Variants in EPHA7 observed in about 807,000 individuals in gnomAD.
EPHA7 encodes ephrin type-A receptor 7.
A neutral mutation model predicts 112.6 loss-of-function variants in EPHA7; 25 were observed. That is an observed-to-expected ratio of 0.22 (90% CI 0.16 to 0.31). The LOEUF is 0.31. EPHA7 is among the 10% of genes least tolerant of loss of function. EPHA7 has a pLI of 1.00. For missense variants in EPHA7, 962 were observed against 1,212.6 expected, an observed-to-expected ratio of 0.79 and a Z score of 3.07; for synonymous variants, 437 against 406.5, an observed-to-expected ratio of 1.07 and a Z score of -0.90.
At chr6:93,416,994 A>G (rs1444023197) in intron 1 of EPHA7, among the ~76,000 whole-genome samples, 1 of 152,088 alleles carries the variant, frequency 6.6e-6, no homozygotes, top group Non-Finnish European at 1.5e-5. Context: ...TCGCTCGAGA[A>G]GGAGTCGGGA....
intron 7 of EPHA7, among the ~76,000 whole-genome samples, chr6:93,269,233 T>C (rs1260472405): frequency 6.6e-6 from 1 of 151,730 alleles, no homozygotes; most frequent in Non-Finnish European, 1.5e-5. Context: ...TTTCACCTTT[T>C]TCAAAAAATA....
At chr6:93,416,596 C>T (rs1481777267) in intron 1 of EPHA7, among the ~76,000 whole-genome samples, 4 of 152,218 alleles carry the variant, frequency 2.6e-5, no homozygotes, top group Admixed American at 2.6e-4. Flanking sequence ...TCAAGTGATC[C>T]GTGCGTCTCT....
chr6:93,272,463 A>G lies in EPHA7; in HGVS notation c.1325-41T>C, dbSNP rs762173350. 5.0e-6 allele frequency: 8 copies of G among 1,608,152 alleles called. No individual in the cohort carries two copies. The Admixed American group carries it at 1.2e-4, about 24-fold the overall frequency. On this transcript the variant is annotated intron_variant, in intron 5 of 16. Transcript: ENST00000369303. ...GTGTCAATAAACAATGAGAAAATTC[A>G]CTGGATGCCTCAAATCAAATGTCAC...
intron 1 of EPHA7, among the ~76,000 whole-genome samples, chr6:93,418,027 G>A (rs1779332366): frequency 6.6e-6 from 1 of 152,020 alleles, no homozygotes; most frequent in Non-Finnish European, 1.5e-5. Context: ...TCAACACCCC[G>A]CCCGATAACC....
intron 3 of EPHA7, among the ~76,000 whole-genome samples, chr6:93,359,535 T>G (rs1167477381): frequency 6.6e-6 from 1 of 151,956 alleles, no homozygotes; most frequent in Non-Finnish European, 1.5e-5. Flanking sequence ...ATTTATTGGC[T>G]GAAAGTTCAT....
chr6:93,266,117 C>T (rs1770923683), intron 7 of EPHA7, among the ~76,000 whole-genome samples: 1 of 151,678 alleles, frequency 6.6e-6, no homozygotes, highest in Non-Finnish European at 1.5e-5. Context: ...CTTTCAAATA[C>T]TAATTTCTGA....
intron 3 of EPHA7, 67 bp from the exon 4 acceptor site, chr6:93,358,478 T>A: frequency 7.3e-7 from 1 of 1,372,030 alleles, no homozygotes; most frequent in Non-Finnish European, 9.9e-7. Context: ...AAAAATTGTA[T>A]TATTTAGCAA....
intron 2 of EPHA7, 29 bp downstream of exon 2, chr6:93,414,674 A>T: frequency 6.4e-7 from 1 of 1,554,174 alleles, no homozygotes; most frequent in Middle Eastern, 1.7e-4. Context: ...ATTTTAAAAA[A>T]GTGATATTTT....
At chr6:93,264,159 T>C (rs1037753869) in intron 8 of EPHA7, among the ~76,000 whole-genome samples, 1 of 151,530 alleles carries the variant, frequency 6.6e-6, no homozygotes, top group Non-Finnish European at 1.5e-5. Flanking sequence ...CAAAATTCAG[T>C]ATGATTTGAA....
chr6:93,285,738 A>G (rs1772029318), intron 5 of EPHA7, among the ~76,000 whole-genome samples: 1 of 152,182 alleles, frequency 6.6e-6, no homozygotes, highest in Non-Finnish European at 1.5e-5. Context: ...CTTGCCACAT[A>G]TGAAGTTCCG....
intron 5 of EPHA7, among the ~76,000 whole-genome samples, chr6:93,350,030 A>G (rs1775612045): frequency 6.6e-6 from 1 of 152,016 alleles, no homozygotes; most frequent in Admixed American, 6.6e-5. Context: ...AAATCAAAGT[A>G]AAGGGAATAC....
intron 3 of EPHA7, among the ~76,000 whole-genome samples, chr6:93,395,128 A>G (rs2127984338): frequency 6.6e-6 from 1 of 151,972 alleles, no homozygotes; most frequent in South Asian, 2.1e-4. Context: ...GAAAATCTTG[A>G]TTTAAAGACT....
intron 1 of EPHA7, among the ~76,000 whole-genome samples, chr6:93,415,398 T>C (rs958986835): frequency 2.6e-5 from 4 of 151,972 alleles, no homozygotes; most frequent in Admixed American, 6.6e-5. Context: ...AATTTCTTAA[T>C]TTTCAAAGTG....
intron 6 of EPHA7, among the ~76,000 whole-genome samples, chr6:93,270,245 T>G (rs1188400299): frequency 6.6e-6 from 1 of 151,522 alleles, no homozygotes; most frequent in Non-Finnish European, 1.5e-5. Context: ...AGTTTAAATA[T>G]ATATGATTTA....
chr6:93,257,387 G>T, intron 12 of EPHA7, 75 bp downstream of exon 12: 1 of 1,123,034 alleles, frequency 8.9e-7, no homozygotes, highest in Non-Finnish European at 1.3e-6. Context: ...ATTTTACATT[G>T]CAAAAAAAGT....
At chr6:93,379,297 TTTAA>T (rs1452412791) in intron 3 of EPHA7, among the ~76,000 whole-genome samples, 1 of 152,096 alleles carries the variant, frequency 6.6e-6, no homozygotes, top group African/African-American at 2.4e-5. Context: ...TTTCTTTCCA[TTTAA>T]TTAAATTTGA....
intron 5 of EPHA7, among the ~76,000 whole-genome samples, chr6:93,298,872 C>G (rs919465460): frequency 6.6e-6 from 1 of 152,106 alleles, no homozygotes; most frequent in African/African-American, 2.4e-5. Flanking sequence ...TGATTTCTAA[C>G]TGTGTTTATT....
At chr6:93,328,968 GAATT>G (rs1234250360) in intron 5 of EPHA7, among the ~76,000 whole-genome samples, 2 of 151,448 alleles carry the variant, frequency 1.3e-5, no homozygotes, top group East Asian at 1.9e-4. Flanking sequence ...TTTGCAGAAT[GAATT>G]AACCAAAACT....
At chr6:93,348,245 A>G (rs1278559674) in intron 5 of EPHA7, among the ~76,000 whole-genome samples, 2 of 151,844 alleles carry the variant, frequency 1.3e-5, no homozygotes, top group Admixed American at 1.3e-4. Flanking sequence ...TGTATGTTTT[A>G]ATTGAGAAGA....
Sources: gnomAD v4.1 joint callset for allele counts (sites outside exome capture counted in the v4.1 genomes callset) on GRCh38, gnomAD v4.1.1 for gene constraint, MANE v1.5 for transcripts, NCBI Gene and HGNC (gene_info 2026-07-23, HGNC 2026-07-21) for gene names.